The following POU2F1 variants were observed in gnomAD, a reference collection of about 807,000 sequenced individuals.
POU2F1 encodes POU domain, class 2, transcription factor 1.
POU2F1 carries 16 observed loss-of-function variants against 84.9 expected under a neutral mutation model. That is an observed-to-expected ratio of 0.19 (90% CI 0.13 to 0.29). POU2F1 has a LOEUF of 0.29. Among genes scored for constraint, POU2F1 ranks in the 10% least tolerant of loss-of-function variants. The probability of loss-of-function intolerance (pLI) is 1.00; values close to 1 mark genes in which losing one functional copy is unlikely to be tolerated. For synonymous variants in POU2F1, 368 were observed against 368.3 expected (o/e 1.00, Z 0.01); for missense variants, 738 against 942.6 (o/e 0.78, Z 2.84).
chr1:167,300,935 TAA>T (rs1654652413), intron 1 of POU2F1, among the ~76,000 whole-genome samples: 1 of 151,960 alleles, frequency 6.6e-6, no homozygotes, highest in South Asian at 2.1e-4. Context: ...CACGCGCAGC[TAA>T]TTTTTGTATT....
intron 7 of POU2F1, among the ~76,000 whole-genome samples, chr1:167,376,809 T>C (rs960663101): frequency 1.3e-5 from 2 of 152,170 alleles, no homozygotes; most frequent in East Asian, 3.8e-4. Context: ...CATTCCAAAA[T>C]CTTTTGTCAT....
intron 2 of POU2F1, among the ~76,000 whole-genome samples, chr1:167,350,673 C>CAAAAA (rs56240224): frequency 1.7e-5 from 1 of 58,710 alleles, no homozygotes. Flanking sequence ...GACTCCATCT[C>CAAAAA]AAAAAAAAAA....
At chr1:167,386,622 A>C (rs1571418128) in intron 8 of POU2F1, among the ~76,000 whole-genome samples, 1 of 152,296 alleles carries the variant, frequency 6.6e-6, no homozygotes, top group African/African-American at 2.4e-5. Flanking sequence ...ACTGGAAACA[A>C]CCTAAATATA....
At chr1:167,322,445 G>A (rs1318951718) in intron 1 of POU2F1, among the ~76,000 whole-genome samples, 1 of 152,244 alleles carries the variant, frequency 6.6e-6, no homozygotes, top group Non-Finnish European at 1.5e-5. Context: ...GGCAAGGGTT[G>A]ACAGATTCCT....
intron 1 of POU2F1, among the ~76,000 whole-genome samples, chr1:167,234,522 A>G (rs112331456): frequency 3.3e-5 from 5 of 152,250 alleles, no homozygotes; most frequent in African/African-American, 1.2e-4. Context: ...GCTTGAGACC[A>G]TGAGTTTGAA....
In POU2F1 at chr1:167,383,859, C is replaced by G. The variant is rs1303609455; in HGVS notation, c.721C>G (p.Leu241Val). 2 of 1,612,438 alleles carry G rather than the reference C, an allele frequency of 1.2e-6. No homozygotes were observed. The highest frequency in any genetic ancestry group is 1.7e-6 in the Non-Finnish European group (2 of 1,179,082). ...GATAACATGTTTTTCTTCTACAGGTCTCCTGCAAGCGCAAAATCTTCTAAC... is the reference window on the plus strand; with the variant it reads ...GATAACATGTTTTTCTTCTACAGGTGTCCTGCAAGCGCAAAATCTTCTAAC... ...ISQTPQGQQG[L>V]LQAQNLLTQL... Residue 241 changes from leucine to valine, a missense_variant and splice_region_variant, in exon 8 of 16, where the codon CTC (leucine) becomes GTC (valine). Physicochemically the swap from Leu to Val is conservative, Grantham distance 32. Around this residue, in one of 4 missense-constraint regions of POU2F1, gnomAD observed 163 missense variants for 214.4 expected, o/e 0.76. Transcript: ENST00000367866.
intron 2 of POU2F1, among the ~76,000 whole-genome samples, chr1:167,359,622 A>C (rs1254829686): frequency 6.6e-6 from 1 of 152,162 alleles, no homozygotes; most frequent in African/African-American, 2.4e-5. Context: ...TGCTGTTGTG[A>C]ATAGTGCTGT....
chr1:167,271,975 C>A (rs1652398724), intron 1 of POU2F1, among the ~76,000 whole-genome samples: 2 of 151,898 alleles, frequency 1.3e-5, no homozygotes, highest in South Asian at 4.2e-4. Flanking sequence ...ATAACCATAC[C>A]CATTTGTTTA....
intron 8 of POU2F1, among the ~76,000 whole-genome samples, chr1:167,384,154 G>A (rs1049829748): frequency 2.6e-5 from 4 of 152,040 alleles, no homozygotes; most frequent in Admixed American, 2.0e-4. Flanking sequence ...TTTCTTATAT[G>A]TTCTTAAAGA....
chr1:167,320,332 T>C (rs1656223273), intron 1 of POU2F1, among the ~76,000 whole-genome samples: 1 of 152,232 alleles, frequency 6.6e-6, no homozygotes, highest in South Asian at 2.1e-4. Context: ...TAAGAAGCTT[T>C]ACCATTACTA....
intron 13 of POU2F1, among the ~76,000 whole-genome samples, chr1:167,403,698 T>A (rs1649362428): frequency 6.6e-6 from 1 of 152,220 alleles, no homozygotes; most frequent in South Asian, 2.1e-4. Context: ...TCCTGAAGAC[T>A]TTCTTCTTGG....
Position 167,415,481 on chromosome 1 carries a change from G to T in POU2F1, c.1991-19G>T. The T allele has an allele frequency of 1.2e-6, 2 of 1,608,590 alleles. No homozygotes were observed. Among genetic ancestry groups the T allele is most frequent in the Non-Finnish European group, 1.7e-6 (2 of 1,176,324 alleles). ...TAATGTTTTCATTCCTGCCTGTTTT[G>T]GGGGGTTTTTGTCTGTAGCTCTTGC... On this transcript the variant is annotated intron_variant, in intron 15 of 15. Coordinates refer to ENST00000367866, the MANE Select transcript of POU2F1 (RefSeq NM_002697.4).
chr1:167,229,797 C>T (rs190113112), intron 1 of POU2F1, among the ~76,000 whole-genome samples: 24 of 152,226 alleles, frequency 1.6e-4, no homozygotes, highest in Non-Finnish European at 2.9e-4. Context: ...TTTTTTGGTG[C>T]AGCCAGCATC....
chr1:167,279,024 A>G (rs1321717825), intron 1 of POU2F1, among the ~76,000 whole-genome samples: 2 of 152,220 alleles, frequency 1.3e-5, no homozygotes, highest in East Asian at 1.9e-4. Context: ...AAGATATTCA[A>G]ATGCTATTGG....
intron 2 of POU2F1, among the ~76,000 whole-genome samples, chr1:167,357,827 CAG>C (rs1194971692): frequency 8.5e-6 from 1 of 118,134 alleles, no homozygotes; most frequent in Non-Finnish European, 1.7e-5. Flanking sequence ...TTTTTTGAGA[CAG>C]AGTCTCACTC....
chr1:167,290,619 A>G (rs1005622401), intron 1 of POU2F1, among the ~76,000 whole-genome samples: 4 of 152,250 alleles, frequency 2.6e-5, no homozygotes, highest in African/African-American at 9.6e-5. Context: ...TACAGTGCCT[A>G]TGCATAGTAA....
At chr1:167,279,236 A>G (rs1039462524) in intron 1 of POU2F1, among the ~76,000 whole-genome samples, 1 of 152,264 alleles carries the variant, frequency 6.6e-6, no homozygotes, top group African/African-American at 2.4e-5. Flanking sequence ...GGTTTAATTA[A>G]CATGGATAAA....
At chr1:167,380,334 G>C (rs1297029429) in intron 7 of POU2F1, 1 of 152,204 alleles carries the variant, frequency 6.6e-6, no homozygotes, top group African/African-American at 2.4e-5. Context: ...CTCCTACATA[G>C]TAACCTTTCT....
At chr1:167,368,418 G>T (rs1557932318) in intron 3 of POU2F1, among the ~76,000 whole-genome samples, 2 of 151,860 alleles carry the variant, frequency 1.3e-5, no homozygotes, top group Non-Finnish European at 2.9e-5. Flanking sequence ...TTAAGGTAGT[G>T]TTTATTAGAT....
Sources: gnomAD v4.1 joint callset for allele counts (sites outside exome capture counted in the v4.1 genomes callset) on GRCh38, gnomAD v4.1.1 for gene constraint, gnomAD v4.1.1 regional missense constraint, MANE v1.5 for transcripts, NCBI Gene and HGNC (gene_info 2026-07-23, HGNC 2026-07-21) for gene names.